The following DRC8 variants were observed in gnomAD, a reference collection of about 807,000 sequenced individuals.
DRC8 encodes the protein dynein regulatory complex protein 8.
chr1:244,970,624 G>A, the DRC8 span: 2 of 452,704 alleles, frequency 4.4e-6, no homozygotes. Context: ...CCCGTAGCCC[G>A]CCCGGCCCGC....
the DRC8 span, among the ~76,000 whole-genome samples, chr1:245,025,446 A>G: frequency 1.3e-5 from 2 of 152,226 alleles, no homozygotes; most frequent in East Asian, 1.9e-4. Flanking sequence ...CCACAAGAGT[A>G]TAAGAATATC....
the DRC8 span, among the ~76,000 whole-genome samples, chr1:245,059,799 A>G: frequency 6.6e-6 from 1 of 152,230 alleles, no homozygotes; most frequent in Non-Finnish European, 1.5e-5. Context: ...AGGAATTTTT[A>G]TTTATTTGGG....
At chr1:245,001,303 T>C in the DRC8 span, among the ~76,000 whole-genome samples, 1 of 152,124 alleles carries the variant, frequency 6.6e-6, no homozygotes, top group African/African-American at 2.4e-5. Flanking sequence ...AGGGATTTGT[T>C]TTGGGGTCTT....
the DRC8 span, among the ~76,000 whole-genome samples, chr1:245,065,957 A>G: frequency 6.6e-6 from 1 of 152,008 alleles, no homozygotes; most frequent in African/African-American, 2.4e-5. Flanking sequence ...ACAGCTTTTC[A>G]AACATATTTT....
the DRC8 span, among the ~76,000 whole-genome samples, chr1:244,978,148 A>G: frequency 1.3e-5 from 2 of 152,222 alleles, no homozygotes; most frequent in Admixed American, 1.3e-4. Context: ...TGGATTTTAT[A>G]GATATTAAGA....
At chr1:245,054,136 T>C in the DRC8 span, among the ~76,000 whole-genome samples, 1 of 152,122 alleles carries the variant, frequency 6.6e-6, no homozygotes, top group Non-Finnish European at 1.5e-5. Flanking sequence ...TTCCCTCCCC[T>C]TTACTTCTGT....
chr1:245,033,997 A>T, the DRC8 span, among the ~76,000 whole-genome samples: 1 of 152,200 alleles, frequency 6.6e-6, no homozygotes, highest in Admixed American at 6.5e-5. Context: ...CTGGGATTAC[A>T]GGCATGAGCC....
the DRC8 span, among the ~76,000 whole-genome samples, chr1:245,116,252 C>A: frequency 6.6e-6 from 1 of 151,994 alleles, no homozygotes; most frequent in Non-Finnish European, 1.5e-5. Flanking sequence ...GTTACTCACA[C>A]CTATATCCCA....
the DRC8 span, among the ~76,000 whole-genome samples, chr1:245,005,496 G>A: frequency 5.9e-5 from 9 of 151,660 alleles, no homozygotes; most frequent in African/African-American, 1.5e-4. Context: ...GATTACAGGC[G>A]CACACCACCA....
At chr1:245,083,614 TC>T in the DRC8 span, 1 of 1,605,186 alleles carries the variant, frequency 6.2e-7, no homozygotes, top group Non-Finnish European at 8.5e-7. Context: ...TCTTTTCTTT[TC>T]CCCTAGGTTT....
chr1:245,015,369 C>A, the DRC8 span, among the ~76,000 whole-genome samples: 1 of 152,304 alleles, frequency 6.6e-6, no homozygotes, highest in East Asian at 1.9e-4. Flanking sequence ...CTCTCTGCAC[C>A]TAACATAAAA....
chr1:245,051,130 C>T, the DRC8 span, among the ~76,000 whole-genome samples: 2 of 152,070 alleles, frequency 1.3e-5, no homozygotes, highest in Non-Finnish European at 2.9e-5. Context: ...AGGCTCATGC[C>T]TGTAATCCCA....
At chr1:245,105,079 G>T in the DRC8 span, among the ~76,000 whole-genome samples, 1 of 152,166 alleles carries the variant, frequency 6.6e-6, no homozygotes, top group South Asian at 2.1e-4. Context: ...ATTTCCCGTA[G>T]ACCAATTTTT....
At chr1:245,042,526 C>A in the DRC8 span, among the ~76,000 whole-genome samples, 936 of 152,298 alleles carry the variant, frequency 6.1e-3, 6 homozygotes, top group Middle Eastern at 0.02. Context: ...GTGAAAAATG[C>A]CCTCCGTAAG....
At chr1:245,014,962 G>C in the DRC8 span, among the ~76,000 whole-genome samples, 1 of 152,158 alleles carries the variant, frequency 6.6e-6, no homozygotes, top group Non-Finnish European at 1.5e-5. Flanking sequence ...ATGATGAGTA[G>C]TTATGTTAGG....
the DRC8 span, among the ~76,000 whole-genome samples, chr1:245,102,915 CTA>C: frequency 8.0e-5 from 11 of 137,864 alleles, no homozygotes; most frequent in African/African-American, 1.6e-4. Context: ...AGGTGGTCCT[CTA>C]TGGTCAGGAG....
chr1:245,116,575 G>C, the DRC8 span, among the ~76,000 whole-genome samples: 7 of 152,150 alleles, frequency 4.6e-5, no homozygotes, highest in Non-Finnish European at 1.0e-4. Context: ...GTCAGAACAA[G>C]AAACTCTCCA....
At chr1:244,991,125 T>TA in the DRC8 span, among the ~76,000 whole-genome samples, 11 of 152,326 alleles carry the variant, frequency 7.2e-5, no homozygotes, top group Non-Finnish European at 1.6e-4. Flanking sequence ...GGGGTTTCCA[T>TA]AACCCCCTTC....
chr1:245,057,375 A>G, the DRC8 span, among the ~76,000 whole-genome samples: 1 of 152,234 alleles, frequency 6.6e-6, no homozygotes, highest in African/African-American at 2.4e-5. Context: ...AATTAATTTT[A>G]ACAACGTATC....
Sources: gnomAD v4.1 joint callset for allele counts (sites outside exome capture counted in the v4.1 genomes callset) on GRCh38, gnomAD v4.1.1 for gene constraint, MANE v1.5 for transcripts, NCBI Gene and HGNC (gene_info 2026-07-23, HGNC 2026-07-21) for gene names.